Variants in GCLM observed in about 807,000 individuals in gnomAD.
GCLM encodes the protein glutamate--cysteine ligase regulatory subunit.
GCLM carries 15 observed loss-of-function variants against 36.0 expected under a neutral mutation model. That is an observed-to-expected ratio of 0.42 (90% CI 0.28 to 0.64). The LOEUF is 0.64. Among genes scored for constraint, GCLM ranks in the 30% least tolerant of loss-of-function variants. The probability of loss-of-function intolerance (pLI) is 0.25; values close to 1 mark genes in which losing one functional copy is unlikely to be tolerated. For synonymous variants in GCLM, 129 were observed against 122.8 expected (o/e 1.05, Z -0.34); for missense variants, 242 against 325.5 (o/e 0.74, Z 1.97).
intron 5 of GCLM, 124 bp downstream of exon 5, chr1:93,896,494 C>T (rs1380592367): frequency 2.9e-5 from 21 of 712,314 alleles, no homozygotes; most frequent in Non-Finnish European, 5.2e-5. Flanking sequence ...CAAAACAAAA[C>T]TCCCACATGT....
intron 3 of GCLM, among the ~76,000 whole-genome samples, chr1:93,901,282 C>T (rs1459947539): frequency 6.6e-6 from 1 of 152,070 alleles, no homozygotes; most frequent in Non-Finnish European, 1.5e-5. Flanking sequence ...CTAAGCCTTC[C>T]CTTTATCCTT....
At chr1:93,889,190 G>C (rs1656436226) in intron 6 of GCLM, 31 bp from the exon 7 acceptor site, 1 of 1,496,784 alleles carries the variant, frequency 6.7e-7, no homozygotes. Flanking sequence ...CAAAACTCCA[G>C]CGTGTTAAAT....
rs577913729 is a variant in GCLM at position 93,895,963 on chromosome 1, C to CTT, written c.540+653_540+654dup. The stretch of plus-strand genomic sequence containing the variant: ...CTAAAGAAAAAGAAGGTTTTTCTTT[C>CTT]TTTTTTTTTTTTTTTTTGAGACAGA... On this transcript the variant is annotated intron_variant, in intron 5 of 6. Transcript: ENST00000370238. Among the ~76,000 whole-genome samples the CTT allele has an allele frequency of 2.4e-3, 322 of 133,518 alleles. 3 individuals are homozygous for CTT. The highest frequency in any genetic ancestry group is 7.3e-3 in the African/African-American group (264 of 35,954). 87.6% of individuals were successfully genotyped at this position (133,518 alleles called of 152,430 possible). A position where few individuals can be genotyped will look rare whatever the true frequency, so the allele number is the denominator to read the frequency against.
At position 93,909,249 on chromosome 1, in the gene GCLM, A is replaced by C; in HGVS notation, c.-86T>G. 9.2e-7 allele frequency: 1 copy of C among 1,092,614 alleles called. No homozygotes were observed. The highest frequency in any genetic ancestry group is 4.4e-5 in the South Asian group (1 of 22,678). 67.7% of individuals were successfully genotyped at this position (1,092,614 alleles called of 1,614,324 possible). On this transcript the variant is annotated 5_prime_UTR_variant, in exon 1 of 7. Coordinates refer to ENST00000370238, the MANE Select transcript of GCLM (RefSeq NM_002061.4). Reference sequence around the variant, plus strand: ...GCCGCCCCACAGGACGCGGTGCCCGAGGCCCGAGAGAGACCCGAGAGGGAG... The same window carrying C: ...GCCGCCCCACAGGACGCGGTGCCCGCGGCCCGAGAGAGACCCGAGAGGGAG...
intron 1 of GCLM, chr1:93,908,641 T>C (rs142330572): frequency 2.6e-5 from 4 of 156,764 alleles, no homozygotes; most frequent in Non-Finnish European, 5.6e-5. Context: ...CACCAAAGGA[T>C]AATCTCCGAA....
At chr1:93,891,438 C>A (rs1391791326) in intron 6 of GCLM, among the ~76,000 whole-genome samples, 1 of 152,214 alleles carries the variant, frequency 6.6e-6, no homozygotes, top group African/African-American at 2.4e-5. Flanking sequence ...AGTAGAGAGG[C>A]CTCTCTGACT....
Position 93,888,989 on chromosome 1 carries a change from G to A in GCLM, c.*1C>T. On this transcript the variant is annotated 3_prime_UTR_variant, in exon 7 of 7. Coordinates refer to ENST00000370238, the MANE Select transcript of GCLM (RefSeq NM_002061.4). ...ACAGGTAAGTTATGCTCCTAAGTCA[G>A]TTAAGAACCCCTTCTTTTAGCTTGT... The A allele has an allele frequency of 1.9e-6, 3 of 1,583,616 alleles. No individual in the cohort carries two copies. The South Asian group carries it at 3.5e-5, about 18-fold the overall frequency.
rs1199473159 is a variant in GCLM at position 93,909,318 on chromosome 1, C to T, written c.-155G>A. ...GCGCGGCTGGAGCCTGGTCTGCGCTCGGGCCCGAGGGAGGCCGGACGGCGG... is the reference window on the plus strand; with the variant it reads ...GCGCGGCTGGAGCCTGGTCTGCGCTTGGGCCCGAGGGAGGCCGGACGGCGG... On this transcript the variant is annotated 5_prime_UTR_variant, in exon 1 of 7. Coordinates refer to ENST00000370238, the MANE Select transcript of GCLM (RefSeq NM_002061.4). The T allele has an allele frequency of 5.8e-6, 6 of 1,038,386 alleles. No homozygotes were observed. The highest frequency in any genetic ancestry group is 5.8e-6 in the Non-Finnish European group (5 of 865,940). 64.3% of individuals were successfully genotyped at this position (1,038,386 alleles called of 1,614,324 possible). A position where few individuals can be genotyped will look rare whatever the true frequency, so the allele number is the denominator to read the frequency against.
chr1:93,903,101 T>G lies in GCLM; in HGVS notation c.192+1422A>C, dbSNP rs17884701. Among the ~76,000 whole-genome samples the G allele has an allele frequency of 3.5e-4, 53 of 152,228 alleles. No individual in the cohort carries two copies. The South Asian group carries it at 4.1e-3, about 12-fold the overall frequency. ...ATGCATTCATAATTTATATATACAC[T>G]CGCCTACTGAAGAACATCTTGGTTG... On this transcript the variant is annotated intron_variant, in intron 2 of 6. Coordinates refer to ENST00000370238, the MANE Select transcript of GCLM (RefSeq NM_002061.4).
In GCLM at chr1:93,888,573, T is replaced by C. The variant is rs1656409071; in HGVS notation, c.*417A>G. On this transcript the variant is annotated 3_prime_UTR_variant, in exon 7 of 7. Transcript: ENST00000370238. ...TCTTCCAGTATTTCAGTTTTAACAA[T>C]TGTAATTAAATTGCTTGGTTATAAT... The C allele has an allele frequency of 6.5e-6, 1 of 152,910 alleles. No individual in the cohort carries two copies. Among genetic ancestry groups the C allele is most frequent in the Non-Finnish European group, 1.5e-5 (1 of 68,282 alleles). The allele number at this position is 152,910 out of a possible 1,614,324, so 9.5% of individuals were successfully genotyped here. A position where few individuals can be genotyped will look rare whatever the true frequency, so the allele number is the denominator to read the frequency against.
rs893051143 is a variant in GCLM, at chr1:93,887,916, A to G, written c.*1074T>C. 1.3e-5 allele frequency: 2 copies of G among 152,238 alleles called. No homozygotes were observed. The highest frequency in any genetic ancestry group is 3.9e-4 in the East Asian group (2 of 5,192). 9.4% of individuals were successfully genotyped at this position (152,238 alleles called of 1,614,324 possible). A position where few individuals can be genotyped will look rare whatever the true frequency, so the allele number is the denominator to read the frequency against. On this transcript the variant is annotated 3_prime_UTR_variant, in exon 7 of 7. Coordinates refer to ENST00000370238, the MANE Select transcript of GCLM (RefSeq NM_002061.4). ...TCGTAAACTAATGAAGAATTATACT[A>G]AATGACCTATATAGTCTCTTTTAGC...
Position 93,909,297 on chromosome 1 carries a change from G to A in GCLM, c.-134C>T. On this transcript the variant is annotated 5_prime_UTR_variant, in exon 1 of 7. Transcript: ENST00000370238. ...GAGCGCGAGGCTGCCGGCGCCGCGC[G>A]GCTGGAGCCTGGTCTGCGCTCGGGC... 1 of 1,046,964 alleles carries A rather than the reference G, an allele frequency of 9.6e-7. No homozygotes were observed. The highest frequency in any genetic ancestry group is 4.6e-5 in the South Asian group (1 of 21,942). The allele number at this position is 1,046,964 out of a possible 1,614,324, so 64.9% of individuals were successfully genotyped here.
chr1:93,888,000 G>A lies in GCLM; in HGVS notation c.*990C>T, dbSNP rs1656384674. On this transcript the variant is annotated 3_prime_UTR_variant, in exon 7 of 7. Transcript: ENST00000370238. The stretch of plus-strand genomic sequence containing the variant: ...ATAATTAAGACCATATCTCAAAGTT[G>A]TTTAAGTAGATAATGTCGGCCCTGA... The A allele has an allele frequency of 6.6e-6, 1 of 152,022 alleles. No individual in the cohort carries two copies. Among genetic ancestry groups the A allele is most frequent in the African/African-American group, 2.4e-5 (1 of 41,386 alleles). 9.4% of individuals were successfully genotyped at this position (152,022 alleles called of 1,614,324 possible). A position where few individuals can be genotyped will look rare whatever the true frequency, so the allele number is the denominator to read the frequency against.
In GCLM at chr1:93,888,515, T is replaced by C. The variant is rs1030995840; in HGVS notation, c.*475A>G. 4 of 152,468 alleles carry C rather than the reference T, an allele frequency of 2.6e-5. No homozygotes were observed. Among genetic ancestry groups the C allele is most frequent in the Admixed American group, 2.0e-4 (3 of 15,288 alleles). The allele number at this position is 152,468 out of a possible 1,614,324, so 9.4% of individuals were successfully genotyped here. ...TAAATCCCAGCTACTCCAGTTACTC[T>C]GATATATCTCATCAATGACAGGAAA... is the stretch of plus-strand genomic sequence containing the variant. On this transcript the variant is annotated 3_prime_UTR_variant, in exon 7 of 7. Coordinates refer to ENST00000370238, the MANE Select transcript of GCLM (RefSeq NM_002061.4).
intron 3 of GCLM, among the ~76,000 whole-genome samples, chr1:93,901,120 A>G (rs1656932430): frequency 6.6e-6 from 1 of 152,198 alleles, no homozygotes; most frequent in Non-Finnish European, 1.5e-5. Context: ...TTTGTCACTT[A>G]CTACATTTCC....
At position 93,885,372 on chromosome 1, in the gene GCLM, A is replaced by T. The variant is rs1557722615; in HGVS notation, c.*3618T>A. ...AATTCATAATGTAGGTAATATTAAA[A>T]ATTATTATAAACATTTAATAATGCT... On this transcript the variant is annotated 3_prime_UTR_variant, in exon 7 of 7. Transcript: ENST00000370238. 6.6e-6 allele frequency: 1 copy of T among 152,194 alleles called. No individual in the cohort carries two copies. The highest frequency in any genetic ancestry group is 1.9e-4 in the East Asian group (1 of 5,204). 9.4% of individuals were successfully genotyped at this position (152,194 alleles called of 1,614,324 possible). A position where few individuals can be genotyped will look rare whatever the true frequency, so the allele number is the denominator to read the frequency against.
intron 6 of GCLM, among the ~76,000 whole-genome samples, chr1:93,890,623 C>T (rs1297878325): frequency 6.6e-6 from 1 of 151,990 alleles, no homozygotes; most frequent in African/African-American, 2.4e-5. Flanking sequence ...TCATTATCAA[C>T]TATGTCTTAC....
chr1:93,900,151 T>A (rs1421485695), intron 3 of GCLM, among the ~76,000 whole-genome samples: 1 of 152,150 alleles, frequency 6.6e-6, no homozygotes, highest in African/African-American at 2.4e-5. Context: ...CTCTACTAGA[T>A]GAGAGTCAGT....
chr1:93,890,673 A>C (rs1656500628), intron 6 of GCLM, among the ~76,000 whole-genome samples: 1 of 152,174 alleles, frequency 6.6e-6, no homozygotes, highest in African/African-American at 2.4e-5. Flanking sequence ...CCAAATATGG[A>C]AGAAACAAAC....
Sources: allele counts gnomAD v4.1 joint callset (sites outside exome capture counted in the v4.1 genomes callset), GRCh38; gene constraint gnomAD v4.1.1; transcripts MANE v1.5; gene names NCBI Gene and HGNC (gene_info 2026-07-23, HGNC 2026-07-21).